Variants in TRPM1 observed in about 807,000 individuals in gnomAD.
TRPM1 encodes TRPM1-203 APA Isoform, Intron 10.
In TRPM1, 113 loss-of-function variants were observed where a neutral mutation model predicts 149.4. That is an observed-to-expected ratio of 0.76 (90% confidence interval 0.65 to 0.88). TRPM1 has a LOEUF of 0.88. TRPM1 is among the 40% of genes least tolerant of loss of function. TRPM1 has a pLI of 0.00. For missense variants in TRPM1, 1,976 were observed against 2,038.7 expected, an observed-to-expected ratio of 0.97 and a Z score of 0.59; for synonymous variants, 741 against 759.5, an observed-to-expected ratio of 0.98 and a Z score of 0.40.
At chr15:31,023,461 A>G (rs2032618065) in intron 27 of TRPM1, among the ~76,000 whole-genome samples, 1 of 152,208 alleles carries the variant, frequency 6.6e-6, no homozygotes, top group Non-Finnish European at 1.5e-5. Context: ...ACCCCATGAG[A>G]GCTGACAGTG....
intron 16 of TRPM1, among the ~76,000 whole-genome samples, chr15:31,045,977 G>T (rs771830239): frequency 7.2e-5 from 11 of 151,938 alleles, no homozygotes; most frequent in Non-Finnish European, 1.3e-4. Flanking sequence ...TTTTTTGTTT[G>T]CTTAATCTTT....
intron 16 of TRPM1, among the ~76,000 whole-genome samples, chr15:31,043,281 C>T (rs1181238845): frequency 6.6e-6 from 1 of 152,214 alleles, no homozygotes; most frequent in Non-Finnish European, 1.5e-5. Context: ...GCAAGCTCTG[C>T]CTCCCGGGTT....
At chr15:31,069,927 C>T in intron 4 of TRPM1, 104 bp downstream of exon 4, 1 of 1,610,496 alleles carries the variant, frequency 6.2e-7, no homozygotes, top group Non-Finnish European at 8.5e-7. Context: ...GAAGATTGAG[C>T]CACAGCCATG....
rs1567048681 is a variant in TRPM1, at chr15:31,090,832, G to C, written c.-83-9394C>G. ...TTGGGCTTTAGACGTACCTGAGTCA[G>C]CTCCCAGATCCACCATTTCTTATCT... On this transcript the variant is annotated intron_variant, in intron 1 of 27. Transcript: ENST00000256552. Among the ~76,000 whole-genome samples, 6 of 152,140 alleles carry C rather than the reference G, an allele frequency of 3.9e-5. No individual in the cohort carries two copies. The South Asian group carries it at 1.2e-3, about 32-fold the overall frequency.
At chr15:31,059,444 C>T (rs957149049) in intron 11 of TRPM1, among the ~76,000 whole-genome samples, 2 of 152,186 alleles carry the variant, frequency 1.3e-5, no homozygotes, top group East Asian at 3.8e-4. Context: ...CTCATTCTCT[C>T]ACCCAGGCTG....
chr15:31,047,862 G>C, intron 14 of TRPM1, 27 bp downstream of exon 14: 1 of 1,590,488 alleles, frequency 6.3e-7, no homozygotes, highest in Non-Finnish European at 8.6e-7. Flanking sequence ...ATGCCAACAG[G>C]TAAGAATTGT....
intron 1 of TRPM1, among the ~76,000 whole-genome samples, chr15:31,093,784 G>A (rs943514287): frequency 1.3e-5 from 2 of 151,934 alleles, no homozygotes; most frequent in Admixed American, 6.6e-5. Flanking sequence ...TTTATTTTTA[G>A]TAGAGATAGG....
chr15:31,088,994 T>G (rs879652519), intron 1 of TRPM1, among the ~76,000 whole-genome samples: 4 of 152,206 alleles, frequency 2.6e-5, no homozygotes, highest in Admixed American at 6.5e-5. Flanking sequence ...TGATGGGCAG[T>G]TCTAGATTTA....
intron 11 of TRPM1, among the ~76,000 whole-genome samples, chr15:31,059,442 C>G (rs2034167560): frequency 6.6e-6 from 1 of 152,164 alleles, no homozygotes; most frequent in Admixed American, 6.5e-5. Context: ...ATCTCATTCT[C>G]TCACCCAGGC....
chr15:31,155,507 T>C (rs1363039010), intron 1 of TRPM1, among the ~76,000 whole-genome samples: 1 of 152,242 alleles, frequency 6.6e-6, no homozygotes, highest in Non-Finnish European at 1.5e-5. Context: ...ACTCTTCCTG[T>C]GGCTCGCTTG....
rs373513724 is a variant in TRPM1, at chr15:31,049,396, C to T, written c.1551G>A (p.Arg517=). The T allele has an allele frequency of 5.7e-5, 92 of 1,614,204 alleles. 2 individuals carry two copies. In the African/African-American group the frequency reaches 6.3e-4, roughly 11 times the overall value. The change falls in exon 13 of 28, where the codon AGG becomes AGA. Residue 517 remains arginine (R), a synonymous_variant. Coordinates refer to ENST00000256552, the MANE Select transcript of TRPM1 (RefSeq NM_001252024.2). ...TCACTGTGTTATAAAGCTCCTCCAGCCTCGGAATGGTCAGAAAGTGTTGCA... is the reference window on the plus strand; with the variant it reads ...TCACTGTGTTATAAAGCTCCTCCAGTCTCGGAATGGTCAGAAAGTGTTGCA... ...VNMQHFLTIP[R]LEELYNTRLG...
intron 21 of TRPM1, 71 bp from the exon 22 acceptor site, chr15:31,033,011 A>T: frequency 6.3e-7 from 1 of 1,598,386 alleles, no homozygotes; most frequent in Non-Finnish European, 8.5e-7. Flanking sequence ...ATCTTGGAAC[A>T]ATAAGACTGA....
In TRPM1 at chr15:31,097,893, G is replaced by A. The variant is rs1012443819; in HGVS notation, c.-84+3764C>T. Among the ~76,000 whole-genome samples the A allele has an allele frequency of 4.6e-5, 7 of 152,258 alleles. No individual in the cohort carries two copies. In the East Asian group the frequency reaches 5.8e-4, roughly 13 times the overall value. ...TCACTGTGACATGAGAGCTGAAAAC[G>A]AGGTGTGTGGCAGGATTTCAAAGAC... On this transcript the variant is annotated intron_variant, in intron 1 of 27. Coordinates refer to ENST00000256552, the MANE Select transcript of TRPM1 (RefSeq NM_001252024.2).
At chr15:31,104,828 T>G (rs566760656), upstream of TRPM1, among the ~76,000 whole-genome samples, 1 of 152,164 alleles carries the variant, frequency 6.6e-6, no homozygotes, top group South Asian at 2.1e-4. Context: ...TCTCCTGACC[T>G]TGTGATCCGC....
upstream of TRPM1, among the ~76,000 whole-genome samples, chr15:31,101,878 G>A (rs1180474580): frequency 6.6e-6 from 1 of 152,218 alleles, no homozygotes; most frequent in African/African-American, 2.4e-5. Flanking sequence ...AAGCTTCCAG[G>A]CTGTTCTGTG....
At chr15:31,034,255 G>A (rs1385620519) in intron 21 of TRPM1, among the ~76,000 whole-genome samples, 1 of 152,154 alleles carries the variant, frequency 6.6e-6, no homozygotes, top group East Asian at 1.9e-4. Flanking sequence ...ATTTTCACTC[G>A]AGCTCTCTGG....
In TRPM1 at chr15:31,020,704, C is replaced by G. The variant is rs80235193; in HGVS notation, c.3629+5435G>C. On this transcript the variant is annotated intron_variant, in intron 27 of 27. Coordinates refer to ENST00000256552, the MANE Select transcript of TRPM1 (RefSeq NM_001252024.2). ...TAGTTTTTCTTTCTATGTATGTGGACTTTTCATTAGTAATGCTCTGACCTC... is the reference window on the plus strand; with the variant it reads ...TAGTTTTTCTTTCTATGTATGTGGAGTTTTCATTAGTAATGCTCTGACCTC... Among the ~76,000 whole-genome samples, 778 of 152,262 alleles carry G rather than the reference C, an allele frequency of 5.1e-3. 8 individuals carry two copies. Among genetic ancestry groups the G allele is most frequent in the African/African-American group, 0.018 (742 of 41,560 alleles).
At chr15:31,083,510 G>A (rs1443759555) in intron 1 of TRPM1, among the ~76,000 whole-genome samples, 1 of 152,182 alleles carries the variant, frequency 6.6e-6, no homozygotes, top group African/African-American at 2.4e-5. Context: ...GGCTCCTAGG[G>A]GCACCTGTGG....
At chr15:31,071,533 C>G (rs534698719) in intron 3 of TRPM1, among the ~76,000 whole-genome samples, 2 of 152,098 alleles carry the variant, frequency 1.3e-5, no homozygotes, top group Non-Finnish European at 2.9e-5. Flanking sequence ...TTTCCCTCCT[C>G]GCTTCCCCAT....
Sources: allele counts gnomAD v4.1 joint callset (sites outside exome capture counted in the v4.1 genomes callset), GRCh38; gene constraint gnomAD v4.1.1; transcripts MANE v1.5; gene names NCBI Gene and HGNC (gene_info 2026-07-23, HGNC 2026-07-21).